Variants in GPC5 observed in about 807,000 individuals in gnomAD.
The protein encoded by GPC5 is glypican-5.
A neutral mutation model predicts 53.9 loss-of-function variants in GPC5; 47 were observed. That is an observed-to-expected ratio of 0.87 (90% confidence interval 0.69 to 1.11). The LOEUF (loss-of-function observed/expected upper bound fraction) is 1.11. GPC5 is among the 50% of genes most tolerant of loss of function. The pLI is 0.00. For missense variants in GPC5, 748 were observed against 713.1 expected (o/e 1.05, Z -0.56); for synonymous variants, 286 against 263.3 (o/e 1.09, Z -0.84).
chr13:92,544,023 C>A (rs1882018833), intron 7 of GPC5, among the ~76,000 whole-genome samples: 1 of 151,454 alleles, frequency 6.6e-6, no homozygotes, highest in African/African-American at 2.4e-5. Flanking sequence ...TTTCAAAATG[C>A]CAAATAGAAG....
At chr13:91,620,081 A>G (rs1304645128) in intron 2 of GPC5, among the ~76,000 whole-genome samples, 6 of 152,070 alleles carry the variant, frequency 3.9e-5, no homozygotes, top group African/African-American at 1.4e-4. Flanking sequence ...TGCCTGGGTC[A>G]ACAGGTGCTT....
chr13:91,914,988 G>A (rs1447624403), intron 6 of GPC5, among the ~76,000 whole-genome samples: 1 of 152,106 alleles, frequency 6.6e-6, no homozygotes, highest in Admixed American at 6.6e-5. Context: ...ACGGTAGCAT[G>A]TCAGCTGATT....
rs1284670400 is a variant in GPC5 at position 92,147,388 on chromosome 13, TGTGA to T, written c.1561+2403_1561+2406del. Reference sequence around the variant, plus strand: ...TTACAAAGTAAAGCATTTTTTTGTGTGTGAGTGTGTGTGCATATGTGTGTATAAA... The same window carrying T: ...TTACAAAGTAAAGCATTTTTTTGTGTGTGTGTGTGCATATGTGTGTATAAA... On this transcript the variant is annotated intron_variant, in intron 7 of 7. Coordinates refer to ENST00000377067, the MANE Select transcript of GPC5 (RefSeq NM_004466.6). Among the ~76,000 whole-genome samples the T allele has an allele frequency of 4.6e-5, 7 of 151,994 alleles. No homozygotes were observed. In the South Asian group the frequency reaches 8.3e-4, roughly 18 times the overall value.
intron 7 of GPC5, among the ~76,000 whole-genome samples, chr13:92,424,358 A>G (rs567875863): frequency 1.5e-4 from 23 of 152,210 alleles, no homozygotes; most frequent in African/African-American, 5.5e-4. Context: ...GAGCAAAGAT[A>G]TTTAATTTAA....
At chr13:92,769,739 A>G (rs1471072083) in intron 7 of GPC5, among the ~76,000 whole-genome samples, 3 of 152,136 alleles carry the variant, frequency 2.0e-5, no homozygotes, top group Admixed American at 6.5e-5. Flanking sequence ...ATTATTATTT[A>G]AATGAAAACC....
chr13:91,913,224 C>T (rs1168089493), intron 6 of GPC5, among the ~76,000 whole-genome samples: 3 of 152,022 alleles, frequency 2.0e-5, no homozygotes, highest in African/African-American at 7.3e-5. Flanking sequence ...TATAGTGAAA[C>T]CCCATGCCTA....
chr13:92,195,431 G>A (rs570108381), intron 7 of GPC5, among the ~76,000 whole-genome samples: 6 of 152,122 alleles, frequency 3.9e-5, no homozygotes, highest in Non-Finnish European at 5.9e-5. Context: ...AGTTAGGAGC[G>A]TATTGGCTCC....
At chr13:91,669,394 C>G (rs1734124767) in intron 2 of GPC5, among the ~76,000 whole-genome samples, 2 of 152,174 alleles carry the variant, frequency 1.3e-5, no homozygotes, top group African/African-American at 4.8e-5. Context: ...AACCCCTCCA[C>G]AATAGAATAG....
intron 2 of GPC5, among the ~76,000 whole-genome samples, chr13:91,692,718 A>C (rs761295871): frequency 6.6e-6 from 1 of 152,174 alleles, no homozygotes; most frequent in Non-Finnish European, 1.5e-5. Context: ...ATCTCAGCTC[A>C]TTGCAACCTC....
At position 92,639,970 on chromosome 13, in the gene GPC5, T is replaced by C. The variant is rs535349539; in HGVS notation, c.1562-226312T>C. On this transcript the variant is annotated intron_variant, in intron 7 of 7. Transcript: ENST00000377067. ...TATAAGTGATCCTGAGGATTTTTTT[T>C]TTTCTCTCTCTCTCTCTCTCACTCT... Among the ~76,000 whole-genome samples, 50 of 151,320 alleles carry C rather than the reference T, an allele frequency of 3.3e-4. No homozygotes were observed. In the South Asian group the frequency reaches 4.6e-3, roughly 14 times the overall value.
chr13:92,311,519 A>T (rs866963671), intron 7 of GPC5, among the ~76,000 whole-genome samples: 1 of 152,222 alleles, frequency 6.6e-6, no homozygotes, highest in African/African-American at 2.4e-5. Context: ...AGACTGGGTA[A>T]TTTATAAAGG....
intron 7 of GPC5, among the ~76,000 whole-genome samples, chr13:92,377,958 G>C (rs886499928): frequency 3.9e-5 from 6 of 152,202 alleles, no homozygotes; most frequent in South Asian, 4.1e-4. Flanking sequence ...TTATTTCTAA[G>C]AATTTGGAGG....
intron 7 of GPC5, among the ~76,000 whole-genome samples, chr13:92,829,353 T>G (rs111309030): frequency 2.2e-4 from 33 of 152,208 alleles, no homozygotes; most frequent in Admixed American, 6.6e-4. Context: ...TCATAAAGTA[T>G]TATTTCCAAT....
chr13:92,026,611 T>C (rs1301894122), intron 6 of GPC5, among the ~76,000 whole-genome samples: 3 of 151,984 alleles, frequency 2.0e-5, no homozygotes, highest in Non-Finnish European at 2.9e-5. Context: ...TTGAATTATA[T>C]TGATACTTTA....
intron 2 of GPC5, among the ~76,000 whole-genome samples, chr13:91,689,218 TATATATATATATAC>T (rs1212468128): frequency 0.011 from 1,271 of 120,266 alleles, 36 homozygotes; most frequent in African/African-American, 0.028. Flanking sequence ...TATATATATA[TATATATATATATAC>T]ACATATAAAA....
chr13:92,347,862 T>C (rs1474589316), intron 7 of GPC5, among the ~76,000 whole-genome samples: 1 of 17,314 alleles, frequency 5.8e-5, no homozygotes, highest in East Asian at 1.2e-3. Context: ...TACATATATA[T>C]ATTATATATA....
intron 2 of GPC5, among the ~76,000 whole-genome samples, chr13:91,590,940 A>G (rs1414713): frequency 0.25 from 38,230 of 151,992 alleles, 5,321 homozygotes; most frequent in African/African-American, 0.36. Context: ...CTTGGGATCA[A>G]ATTGTCTCTG....
chr13:92,085,892 A>T (rs2041331689), intron 6 of GPC5, among the ~76,000 whole-genome samples: 1 of 152,156 alleles, frequency 6.6e-6, no homozygotes, highest in African/African-American at 2.4e-5. Context: ...GAGCAGCCAT[A>T]AATACAGATG....
intron 1 of GPC5, among the ~76,000 whole-genome samples, chr13:91,443,899 A>G (rs1880612487): frequency 6.6e-6 from 1 of 152,216 alleles, no homozygotes. Context: ...CGGATTTTCA[A>G]GAATACAGGA....
Sources: allele counts gnomAD v4.1 joint callset (sites outside exome capture counted in the v4.1 genomes callset), GRCh38; gene constraint gnomAD v4.1.1; transcripts MANE v1.5; gene names NCBI Gene and HGNC (gene_info 2026-07-23, HGNC 2026-07-21).